The following CSMD1 variants were observed in gnomAD, a reference collection of about 807,000 sequenced individuals.
The protein encoded by CSMD1 is CUB and sushi domain-containing protein 1.
A neutral mutation model predicts 417.5 loss-of-function variants in CSMD1; 213 were observed. That is an observed-to-expected ratio of 0.51 (90% CI 0.46 to 0.57). CSMD1 has a LOEUF of 0.57. Ranked by LOEUF, CSMD1 falls within the 20% of genes least tolerant of loss-of-function variation. The pLI is 0.00. For synonymous variants in CSMD1, 2,862 were observed against 1,736.8 expected, an observed-to-expected ratio of 1.65 and a Z score of -16.11; for missense variants, 6,923 against 4,529.7, an observed-to-expected ratio of 1.53 and a Z score of -15.17.
chr8:3,645,089 A>T (rs1797512367), intron 7 of CSMD1, among the ~76,000 whole-genome samples: 1 of 151,230 alleles, frequency 6.6e-6, no homozygotes, highest in African/African-American at 2.4e-5. Flanking sequence ...CTTGAATTGC[A>T]CAACTTCTGT....
chr8:3,324,051 A>G (rs113842215), intron 23 of CSMD1, among the ~76,000 whole-genome samples: 25 of 122,994 alleles, frequency 2.0e-4, no homozygotes, highest in East Asian at 2.6e-4. Flanking sequence ...ACCTTTCATC[A>G]TTGTTAAAAT....
chr8:3,774,405 G>T (rs1373336226), intron 5 of CSMD1, among the ~76,000 whole-genome samples: 5 of 152,266 alleles, frequency 3.3e-5, no homozygotes, highest in African/African-American at 9.6e-5. Flanking sequence ...GTTTTTCAAA[G>T]ATGCCGTCAG....
chr8:3,670,776 T>C (rs550967853), intron 7 of CSMD1, among the ~76,000 whole-genome samples: 1 of 150,440 alleles, frequency 6.6e-6, no homozygotes, highest in South Asian at 2.1e-4. Flanking sequence ...GATATATAAG[T>C]ATACGGGATA....
At chr8:4,984,119 A>G (rs1811049151) in intron 1 of CSMD1, among the ~76,000 whole-genome samples, 1 of 152,244 alleles carries the variant, frequency 6.6e-6, no homozygotes. Context: ...TGGCCAGTAA[A>G]TCAAAAACTG....
At chr8:4,854,598 T>C (rs562784131) in intron 1 of CSMD1, among the ~76,000 whole-genome samples, 5 of 152,048 alleles carry the variant, frequency 3.3e-5, no homozygotes, top group Non-Finnish European at 5.9e-5. Context: ...TTGCCTCACT[T>C]GGGAAGCGGA....
chr8:4,362,352 G>A (rs752450502), intron 3 of CSMD1, among the ~76,000 whole-genome samples: 3 of 152,096 alleles, frequency 2.0e-5, no homozygotes, highest in East Asian at 3.9e-4. Flanking sequence ...AAGCTCATCT[G>A]TCTGCCCCCT....
At chr8:3,080,733 T>G (rs570712786) in intron 49 of CSMD1, among the ~76,000 whole-genome samples, 1 of 152,326 alleles carries the variant, frequency 6.6e-6, no homozygotes, top group East Asian at 1.9e-4. Context: ...TTATCCTATA[T>G]TATTTATTGA....
At chr8:4,613,459 C>A (rs1801298532) in intron 2 of CSMD1, among the ~76,000 whole-genome samples, 1 of 152,154 alleles carries the variant, frequency 6.6e-6, no homozygotes, top group African/African-American at 2.4e-5. Flanking sequence ...AAGTTTGCTG[C>A]ACCTGTTCAC....
chr8:4,477,332 G>A (rs1479084069), intron 2 of CSMD1, among the ~76,000 whole-genome samples: 1 of 152,178 alleles, frequency 6.6e-6, no homozygotes, highest in Non-Finnish European at 1.5e-5. Context: ...GGTGCTGGAA[G>A]GAGTTAGGCT....
chr8:4,880,238 C>G (rs1010103518), intron 1 of CSMD1, among the ~76,000 whole-genome samples: 15 of 152,040 alleles, frequency 9.9e-5, no homozygotes, highest in African/African-American at 3.6e-4. Context: ...GATACGCATT[C>G]AGTGACCTGT....
chr8:3,243,470 GGTT>G (rs959362267), intron 26 of CSMD1, among the ~76,000 whole-genome samples: 2 of 149,324 alleles, frequency 1.3e-5, no homozygotes, highest in African/African-American at 4.9e-5. Context: ...AGTCAAAGGG[GGTT>G]GTTTTCTGGG....
intron 5 of CSMD1, among the ~76,000 whole-genome samples, chr8:3,837,464 C>T (rs186409074): frequency 6.6e-6 from 1 of 152,092 alleles, no homozygotes; most frequent in Non-Finnish European, 1.5e-5. Context: ...GAGATGTCCT[C>T]CTGGGACCTA....
chr8:3,993,569 T>C (rs949793967), intron 5 of CSMD1, among the ~76,000 whole-genome samples: 7 of 152,182 alleles, frequency 4.6e-5, no homozygotes, highest in Non-Finnish European at 8.8e-5. Context: ...CAAAATAAAC[T>C]AAGGTTACAA....
intron 5 of CSMD1, among the ~76,000 whole-genome samples, chr8:3,793,466 G>GC (rs1362872769): frequency 2.7e-5 from 4 of 148,688 alleles, no homozygotes; most frequent in African/African-American, 1.0e-4. Flanking sequence ...CTCCTGCCAT[G>GC]CCCCCCATCC....
intron 1 of CSMD1, among the ~76,000 whole-genome samples, chr8:4,872,493 A>G (rs1343385992): frequency 1.3e-5 from 2 of 152,006 alleles, no homozygotes; most frequent in Admixed American, 6.6e-5. Context: ...CGCCTTCTGA[A>G]GAAGGCACCT....
intron 5 of CSMD1, among the ~76,000 whole-genome samples, chr8:3,914,328 G>A (rs56225903): frequency 0.11 from 16,462 of 151,828 alleles, 931 homozygotes; most frequent in South Asian, 0.14. Flanking sequence ...AAGAGAATGG[G>A]GCCTAGAGGG....
intron 4 of CSMD1, among the ~76,000 whole-genome samples, chr8:3,999,601 G>A (rs965816473): frequency 1.3e-5 from 2 of 152,180 alleles, no homozygotes; most frequent in African/African-American, 4.8e-5. Context: ...GTAGTTGACA[G>A]CACACGGTTT....
chr8:3,477,511 A>T (rs1817500483), intron 11 of CSMD1, among the ~76,000 whole-genome samples: 1 of 152,246 alleles, frequency 6.6e-6, no homozygotes, highest in African/African-American at 2.4e-5. Flanking sequence ...ATAAGTAAAG[A>T]CAAGGTACTA....
intron 1 of CSMD1, among the ~76,000 whole-genome samples, chr8:4,809,842 A>G (rs1798794483): frequency 6.6e-6 from 1 of 152,194 alleles, no homozygotes; most frequent in Non-Finnish European, 1.5e-5. Context: ...CTGCATGTCT[A>G]CAACTCAACA....
Sources: gnomAD v4.1 joint callset for allele counts (sites outside exome capture counted in the v4.1 genomes callset) on GRCh38, gnomAD v4.1.1 for gene constraint, MANE v1.5 for transcripts, NCBI Gene and HGNC (gene_info 2026-07-23, HGNC 2026-07-21) for gene names.